OSBPL6: variants seen among roughly 807,000 people sequenced by gnomAD.
OSBPL6 encodes oxysterol binding protein like 6, also known as oxysterol-binding protein-related protein 6.
OSBPL6 carries 49 observed loss-of-function variants against 125.8 expected under a neutral mutation model. The ratio of observed to expected loss-of-function variants is 0.39; its 90% confidence interval spans 0.31 to 0.49. The LOEUF is 0.49. OSBPL6 is among the 20% of genes least tolerant of loss of function. The pLI, the probability that OSBPL6 is intolerant of heterozygous loss-of-function variation, is 0.88. For missense variants in OSBPL6, 986 were observed against 1,135.4 expected (o/e 0.87, Z 1.89); for synonymous variants, 394 against 391.8 (o/e 1.01, Z -0.07).
At chr2:178,323,335 C>T (rs1347128025) in intron 3 of OSBPL6, among the ~76,000 whole-genome samples, 1 of 152,098 alleles carries the variant, frequency 6.6e-6, no homozygotes, top group African/African-American at 2.4e-5. Flanking sequence ...GAAATTTTAT[C>T]TTGCTAATAT....
chr2:178,290,923 A>G (rs1267167866), intron 2 of OSBPL6, among the ~76,000 whole-genome samples: 1 of 151,998 alleles, frequency 6.6e-6, no homozygotes, highest in African/African-American at 2.4e-5. Context: ...TTTTAATTTT[A>G]TATTTGTATC....
At chr2:178,233,808 A>G (rs1310587692) in intron 1 of OSBPL6, among the ~76,000 whole-genome samples, 1 of 152,160 alleles carries the variant, frequency 6.6e-6, no homozygotes, top group Non-Finnish European at 1.5e-5. Context: ...TGTTAAGCTG[A>G]TCTACTTAGG....
At chr2:178,217,001 C>A (rs142792627) in intron 1 of OSBPL6, among the ~76,000 whole-genome samples, 1 of 152,098 alleles carries the variant, frequency 6.6e-6, no homozygotes, top group East Asian at 1.9e-4. Flanking sequence ...ACTGTTGGGA[C>A]GAGCTGAATG....
At chr2:178,381,301 G>A (rs945847501) in intron 15 of OSBPL6, among the ~76,000 whole-genome samples, 8 of 152,004 alleles carry the variant, frequency 5.3e-5, no homozygotes, top group African/African-American at 1.9e-4. Context: ...CATGCAGGGG[G>A]TGGCTTCACT....
At chr2:178,379,277 AAG>A (rs1694191583) in intron 15 of OSBPL6, among the ~76,000 whole-genome samples, 1 of 145,422 alleles carries the variant, frequency 6.9e-6, no homozygotes, top group African/African-American at 2.5e-5. Flanking sequence ...AAGAGAAAGA[AAG>A]AAAGAAAAGA....
intron 1 of OSBPL6, among the ~76,000 whole-genome samples, chr2:178,266,024 A>G (rs2092221842): frequency 6.6e-6 from 1 of 152,208 alleles, no homozygotes; most frequent in Non-Finnish European, 1.5e-5. Flanking sequence ...TCCCCAGGGA[A>G]CTGACGGTTA....
At chr2:178,293,394 G>T (rs1199438634) in intron 2 of OSBPL6, among the ~76,000 whole-genome samples, 2 of 152,020 alleles carry the variant, frequency 1.3e-5, no homozygotes, top group Non-Finnish European at 1.5e-5. Context: ...AATCTAAAAT[G>T]CTTCATTTTA....
intron 1 of OSBPL6, among the ~76,000 whole-genome samples, chr2:178,228,391 C>T (rs1031331394): frequency 1.3e-5 from 2 of 152,042 alleles, no homozygotes; most frequent in East Asian, 1.9e-4. Flanking sequence ...AAAAATGAGC[C>T]GGGTGTGGTG....
chr2:178,206,708 G>A (rs1396412020), intron 1 of OSBPL6, among the ~76,000 whole-genome samples: 2 of 151,966 alleles, frequency 1.3e-5, no homozygotes, highest in African/African-American at 2.4e-5. Flanking sequence ...TCTGCCTCCC[G>A]GGTTCAAGCA....
chr2:178,372,142 C>A lies in OSBPL6; in HGVS notation c.1304C>A (p.Ala435Asp). ...TATTTTAAGGCACTCAACCAGAATG[C>A]TGAACTAAGGAGTCGGTTGAACAGA... is the stretch of plus-strand genomic sequence containing the variant. ...QSLSQALNQN[A>D]ELRSRLNRIH... Residue 435 changes from alanine to aspartate, a missense_variant, in exon 14 of 25, where the codon GCT (alanine) becomes GAT (aspartate). Physicochemically the swap from Ala to Asp is moderately radical, Grantham distance 126. This residue lies in a region of OSBPL6 where 843 missense variants were observed against 997.3 expected (regional missense o/e 0.85). Coordinates refer to ENST00000190611, the MANE Select transcript of OSBPL6 (RefSeq NM_032523.4). The A allele has an allele frequency of 1.2e-6, 2 of 1,612,216 alleles. No homozygotes were observed. Among genetic ancestry groups the A allele is most frequent in the Non-Finnish European group, 1.7e-6 (2 of 1,179,024 alleles).
chr2:178,292,631 TCATC>T (rs1282651216), intron 2 of OSBPL6, among the ~76,000 whole-genome samples: 36 of 152,090 alleles, frequency 2.4e-4, no homozygotes, highest in Admixed American at 2.4e-3. Context: ...AGGCTTTAAT[TCATC>T]CATCCATCCA....
At chr2:178,376,866 T>G (rs1693923219) in intron 15 of OSBPL6, among the ~76,000 whole-genome samples, 1 of 152,126 alleles carries the variant, frequency 6.6e-6, no homozygotes, top group Non-Finnish European at 1.5e-5. Flanking sequence ...GTACCCCCAT[T>G]CCTTGTGCCC....
chr2:178,207,571 C>T (rs1468435062), intron 1 of OSBPL6, among the ~76,000 whole-genome samples: 1 of 152,156 alleles, frequency 6.6e-6, no homozygotes, highest in Non-Finnish European at 1.5e-5. Context: ...ATTTTTCAGC[C>T]AACTGCAGTT....
At chr2:178,309,092 T>C (rs182596093) in intron 3 of OSBPL6, among the ~76,000 whole-genome samples, 1 of 152,228 alleles carries the variant, frequency 6.6e-6, no homozygotes, top group East Asian at 1.9e-4. Context: ...TCTACTTGCC[T>C]TTCCTGCATG....
At chr2:178,262,774 A>G (rs2092103966) in intron 1 of OSBPL6, among the ~76,000 whole-genome samples, 1 of 152,212 alleles carries the variant, frequency 6.6e-6, no homozygotes, top group African/African-American at 2.4e-5. Flanking sequence ...GGCATAGGCA[A>G]CTATATTCAT....
intron 1 of OSBPL6, among the ~76,000 whole-genome samples, chr2:178,214,475 G>A (rs1425968292): frequency 1.3e-5 from 2 of 152,188 alleles, no homozygotes; most frequent in African/African-American, 4.8e-5. Flanking sequence ...CGTAGGACAG[G>A]CTGTCTGGAC....
intron 5 of OSBPL6, among the ~76,000 whole-genome samples, chr2:178,330,084 T>C (rs899377535): frequency 3.9e-5 from 6 of 152,168 alleles, no homozygotes; most frequent in Non-Finnish European, 8.8e-5. Context: ...TTTTCGCCAA[T>C]TGGCCATCCT....
At chr2:178,211,586 A>G (rs555198866) in intron 1 of OSBPL6, among the ~76,000 whole-genome samples, 1 of 152,036 alleles carries the variant, frequency 6.6e-6, no homozygotes, top group South Asian at 2.1e-4. Flanking sequence ...TTTGATAGGG[A>G]TGCCTTACCC....
chr2:178,209,560 C>T (rs1461244445), intron 1 of OSBPL6, among the ~76,000 whole-genome samples: 1 of 151,664 alleles, frequency 6.6e-6, no homozygotes, highest in East Asian at 1.9e-4. Flanking sequence ...TCGGTGTCCT[C>T]CAAGTGGCTT....
Sources: allele counts gnomAD v4.1 joint callset (sites outside exome capture counted in the v4.1 genomes callset), GRCh38; gene constraint gnomAD v4.1.1; regional missense constraint gnomAD v4.1.1; transcripts MANE v1.5; gene names NCBI Gene and HGNC (gene_info 2026-07-23, HGNC 2026-07-21).